CCDC88C: variants seen among roughly 807,000 people sequenced by gnomAD.
CCDC88C encodes the protein protein Daple.
A neutral mutation model predicts 198.8 loss-of-function variants in CCDC88C; 131 were observed. The observed-to-expected ratio is 0.66, with a 90% confidence interval of 0.57 to 0.76. The LOEUF (loss-of-function observed/expected upper bound fraction) is 0.76. Among genes scored for constraint, CCDC88C ranks in the 30% least tolerant of loss-of-function variants. CCDC88C has a pLI of 0.00. For missense variants in CCDC88C, 2,553 were observed against 2,631.6 expected (o/e 0.97, Z 0.65); for synonymous variants, 1,166 against 1,114.7 (o/e 1.05, Z -0.92).
chr14:91,361,712 T>C (rs1417288438), intron 3 of CCDC88C, among the ~76,000 whole-genome samples: 2 of 152,116 alleles, frequency 1.3e-5, no homozygotes, highest in African/African-American at 2.4e-5. Flanking sequence ...ATAGTGTGAG[T>C]TGTTTAACAG....
chr14:91,362,390 G>A (rs771374191), intron 3 of CCDC88C, among the ~76,000 whole-genome samples: 52 of 152,188 alleles, frequency 3.4e-4, no homozygotes, highest in Non-Finnish European at 6.3e-4. Flanking sequence ...CAGGGTGAAC[G>A]TGTTTATAAG....
intron 29 of CCDC88C, among the ~76,000 whole-genome samples, chr14:91,275,838 T>TTC (rs1478568576): frequency 7.1e-6 from 1 of 140,722 alleles, no homozygotes; most frequent in African/African-American, 2.6e-5. Flanking sequence ...TTTTTTTTTT[T>TTC]TGAGACGGAG....
chr14:91,285,037 T>A (rs1890344701), intron 25 of CCDC88C, among the ~76,000 whole-genome samples: 1 of 152,162 alleles, frequency 6.6e-6, no homozygotes. Context: ...ATCCAAGATG[T>A]CATAAAACCA....
intron 29 of CCDC88C, among the ~76,000 whole-genome samples, chr14:91,275,815 G>GTTT (rs1449453057): frequency 2.5e-5 from 2 of 79,160 alleles, no homozygotes; most frequent in Non-Finnish European, 4.9e-5. Flanking sequence ...TAGACCAGTG[G>GTTT]TTCTTTTTTT....
In CCDC88C at chr14:91,313,695, C is replaced by A; in HGVS notation, c.2121G>T (p.Leu707=). Residue 707 remains leucine (L), a synonymous_variant, in exon 15 of 30, where the codon CTG becomes CTT. Coordinates refer to ENST00000389857, the MANE Select transcript of CCDC88C (RefSeq NM_001080414.4). This position sits in a 1 kb window ranked among gnomAD's most constrained non-coding sequence, Gnocchi z 5.2. ...RDNKQLDAEN[L]ELRRLVETMR... ...TGGTCTCCACCAGCCTGCGCAGCTCCAGGTTCTCTGCGTCCAGCTGCTTGT... is the reference window on the plus strand; with the variant it reads ...TGGTCTCCACCAGCCTGCGCAGCTCAAGGTTCTCTGCGTCCAGCTGCTTGT... The A allele has an allele frequency of 6.2e-7, 1 of 1,611,510 alleles. No individual in the cohort carries two copies. The highest frequency in any genetic ancestry group is 8.5e-7 in the Non-Finnish European group (1 of 1,179,894).
At chr14:91,359,799 C>G in intron 3 of CCDC88C, 88 bp from the exon 4 acceptor site, 1 of 1,185,250 alleles carries the variant, frequency 8.4e-7, no homozygotes, top group Non-Finnish European at 1.2e-6. Flanking sequence ...ATGAAGCCCC[C>G]GGACGGGTGC....
In CCDC88C at chr14:91,339,592, G is replaced by T; in HGVS notation, c.625-130C>A. Reference sequence around the variant, plus strand: ...GCGGAGACTAAGAAACGAGGAGGAAGGTGGGAAAAGGCTGGCATGGGTTTT... The same window carrying T: ...GCGGAGACTAAGAAACGAGGAGGAATGTGGGAAAAGGCTGGCATGGGTTTT... On this transcript the variant is annotated intron_variant, in intron 7 of 29. Coordinates refer to ENST00000389857, the MANE Select transcript of CCDC88C (RefSeq NM_001080414.4). The surrounding 1 kb of genome is among the most constrained non-coding windows in gnomAD (Gnocchi z 5.8). 1.1e-6 allele frequency: 1 copy of T among 939,880 alleles called. No homozygotes were observed. The highest frequency in any genetic ancestry group is 1.6e-6 in the Non-Finnish European group (1 of 636,790). The allele number at this position is 939,880 out of a possible 1,614,324, so 58.2% of individuals were successfully genotyped here.
At chr14:91,412,477 C>T (rs1886841074) in intron 2 of CCDC88C, among the ~76,000 whole-genome samples, 1 of 151,726 alleles carries the variant, frequency 6.6e-6, no homozygotes, top group African/African-American at 2.4e-5. Context: ...GCTCTGTTGC[C>T]CAGGCTGGGT....
At position 91,314,025 on chromosome 14, in the gene CCDC88C, C is replaced by T. The variant is rs763037766; in HGVS notation, c.1791G>A (p.Gln597=). 1.2e-6 allele frequency: 2 copies of T among 1,613,976 alleles called. No individual in the cohort carries two copies. Among genetic ancestry groups the T allele is most frequent in the Non-Finnish European group, 1.7e-6 (2 of 1,179,890 alleles). Residue 597 remains glutamine (Q), a synonymous_variant, in exon 15 of 30, where the codon CAG becomes CAA. Transcript: ENST00000389857. ...DVEKENKALH[Q]TVTEANGKLS... ...GCTTGCCATTGGCCTCCGTCACCGTCTGGTGGAGGGCTTTGTTCTCCTTCT... is the reference window on the plus strand; with the variant it reads ...GCTTGCCATTGGCCTCCGTCACCGTTTGGTGGAGGGCTTTGTTCTCCTTCT...
At chr14:91,278,359 G>C (rs1890056207) in intron 28 of CCDC88C, 148 bp from the exon 29 acceptor site, 1 of 713,620 alleles carries the variant, frequency 1.4e-6, no homozygotes, top group African/African-American at 1.8e-5. Flanking sequence ...CCACCAGGCT[G>C]AAAGTCTGGA....
chr14:91,357,769 G>A (rs1170069332), intron 4 of CCDC88C, among the ~76,000 whole-genome samples: 1 of 152,234 alleles, frequency 6.6e-6, no homozygotes, highest in East Asian at 1.9e-4. Flanking sequence ...AGAGTCCCCC[G>A]GTCCCTGGAG....
intron 14 of CCDC88C, 87 bp from the exon 15 acceptor site, chr14:91,314,237 A>G (rs1891996269): frequency 8.8e-7 from 1 of 1,139,590 alleles, no homozygotes. Flanking sequence ...GGGAGAGAGA[A>G]GGCCTTGAAC....
At chr14:91,416,870 G>A (rs990396723) in intron 1 of CCDC88C, 32 bp from the exon 2 acceptor site, 3 of 1,500,716 alleles carry the variant, frequency 2.0e-6, no homozygotes, top group Admixed American at 1.7e-5. Context: ...GAGAAAGACA[G>A]GAAGTCACCC....
At position 91,272,677 on chromosome 14, in the gene CCDC88C, G is replaced by T. The variant is rs771028975; in HGVS notation, c.6035C>A (p.Pro2012Gln). The stretch of plus-strand genomic sequence containing the variant: ...GGTCTGCGGATCCCCGCCGGGCTCC[G>T]GGGAGGCCGGACTGCTCTTTGAGAC... ...GSVSKSSPASPEPGGDPQTVW... is the reference protein window; with the variant it reads ...GSVSKSSPASQEPGGDPQTVW... The change falls in exon 30 of 30, where the codon CCG (proline) becomes CAG (glutamine). Residue 2012 changes from proline (P) to glutamine (Q), a missense_variant. Coordinates refer to ENST00000389857, the MANE Select transcript of CCDC88C (RefSeq NM_001080414.4). 3 of 1,611,546 alleles carry T rather than the reference G, an allele frequency of 1.9e-6. No homozygotes were observed. The highest frequency in any genetic ancestry group is 2.5e-6 in the Non-Finnish European group (3 of 1,179,858).
chr14:91,408,157 G>C (rs1040642069), intron 3 of CCDC88C: 3 of 159,480 alleles, frequency 1.9e-5, no homozygotes, highest in Non-Finnish European at 4.1e-5. Flanking sequence ...GTAAACACTT[G>C]AAAGACAGAC....
chr14:91,337,091 T>C (rs993876803), intron 10 of CCDC88C, among the ~76,000 whole-genome samples: 8 of 152,250 alleles, frequency 5.3e-5, no homozygotes, highest in African/African-American at 1.9e-4. Flanking sequence ...GAAAAATTCC[T>C]AAATCCTCAG....
intron 3 of CCDC88C, chr14:91,379,622 G>C: frequency 1.7e-6 from 1 of 578,270 alleles, no homozygotes; most frequent in Non-Finnish European, 3.1e-6. Context: ...GGTGCCTCCT[G>C]GGGTAGGAAC....
Position 91,396,151 on chromosome 14 carries a change from T to C in CCDC88C, c.270+12508A>G, listed in dbSNP as rs139001143. 5.2e-3 allele frequency among the ~76,000 whole-genome samples: 790 copies of C among 152,280 alleles called. 3 individuals are homozygous for C. The highest frequency in any genetic ancestry group is 9.1e-3 in the Non-Finnish European group (619 of 68,018). On this transcript the variant is annotated intron_variant, in intron 3 of 29. Transcript: ENST00000389857. ...TCTCTGCCATTCCCCAAAGAAGAGC[T>C]GAATAACAAAAACTGTTACGAGCCC...
chr14:91,297,260 G>C (rs1891046123), intron 22 of CCDC88C, 45 bp downstream of exon 22: 4 of 1,586,564 alleles, frequency 2.5e-6, no homozygotes, highest in Non-Finnish European at 3.4e-6. Flanking sequence ...GTCCCCTTGG[G>C]GGACTCATCC....
Sources: gnomAD v4.1 joint callset for allele counts (sites outside exome capture counted in the v4.1 genomes callset) on GRCh38, gnomAD v4.1.1 for gene constraint, Gnocchi (gnomAD v3.1) non-coding constraint, MANE v1.5 for transcripts, NCBI Gene and HGNC (gene_info 2026-07-23, HGNC 2026-07-21) for gene names.